ASTN2: variants seen among roughly 807,000 people sequenced by gnomAD.
ASTN2 encodes astrotactin-2.
ASTN2 carries 54 observed loss-of-function variants against 139.8 expected under a neutral mutation model. The observed-to-expected ratio is 0.39, with a 90% CI of 0.31 to 0.48. ASTN2 has a LOEUF of 0.48. ASTN2 is among the 20% of genes least tolerant of loss of function. The probability of loss-of-function intolerance (pLI) is 0.95; values close to 1 mark genes in which losing one functional copy is unlikely to be tolerated. For missense variants in ASTN2, 1,565 were observed against 1,725.1 expected, an observed-to-expected ratio of 0.91 and a Z score of 1.64; for synonymous variants, 756 against 719.5, an observed-to-expected ratio of 1.05 and a Z score of -0.81.
chr9:116,978,791 G>GA (rs3038406), intron 7 of ASTN2, among the ~76,000 whole-genome samples: 4,136 of 149,886 alleles, frequency 0.028, 160 homozygotes, highest in African/African-American at 0.091. Context: ...AGGCTTCAGG[G>GA]AAAAAAAAAA....
intron 6 of ASTN2, among the ~76,000 whole-genome samples, chr9:117,026,257 T>C (rs1423843655): frequency 6.6e-6 from 1 of 152,118 alleles, no homozygotes; most frequent in Non-Finnish European, 1.5e-5. Context: ...TGAACAACCA[T>C]TTAGTTCTCA....
chr9:116,969,960 G>A (rs1836138549), intron 10 of ASTN2, among the ~76,000 whole-genome samples: 4 of 152,180 alleles, frequency 2.6e-5, no homozygotes, highest in Admixed American at 6.5e-5. Context: ...TCAGCAAGGT[G>A]GTCCTCCCTC....
intron 5 of ASTN2, among the ~76,000 whole-genome samples, chr9:117,054,974 G>A (rs528792012): frequency 6.6e-6 from 1 of 152,184 alleles, no homozygotes; most frequent in Admixed American, 6.5e-5. Flanking sequence ...GGTTACAATA[G>A]GGTTGGTGCT....
intron 1 of ASTN2, among the ~76,000 whole-genome samples, chr9:117,363,508 TC>T (rs1829750432): frequency 6.6e-6 from 1 of 152,128 alleles, no homozygotes; most frequent in Non-Finnish European, 1.5e-5. Flanking sequence ...ACCTCCCGCC[TC>T]CCTTTATGGA....
chr9:116,458,875 G>A (rs906896155), intron 20 of ASTN2, among the ~76,000 whole-genome samples: 1 of 151,852 alleles, frequency 6.6e-6, no homozygotes, highest in Non-Finnish European at 1.5e-5. Context: ...TAAAATATCC[G>A]ATGATTTGTT....
chr9:117,060,433 AGAG>A lies in ASTN2; in HGVS notation c.1277-20471_1277-20469del, dbSNP rs1161686741. Among the ~76,000 whole-genome samples, 119 of 38,740 alleles carry A rather than the reference AGAG, an allele frequency of 3.1e-3. 9 individuals are homozygous for A. Among genetic ancestry groups the A allele is most frequent in the African/African-American group, 0.012 (112 of 9,732 alleles). 25.4% of individuals were successfully genotyped at this position (38,740 alleles called of 152,430 possible). ...AAGAAGGAAAGGAAGGAAGGAAGGA[AGAG>A]AGAGAGAGAAAGAAAGAAAGAAAGG... On this transcript the variant is annotated intron_variant, in intron 5 of 22. Coordinates refer to ENST00000313400, the MANE Select transcript of ASTN2 (RefSeq NM_001365068.1).
chr9:117,263,583 G>A (rs1308594654), intron 2 of ASTN2, among the ~76,000 whole-genome samples: 2 of 152,146 alleles, frequency 1.3e-5, no homozygotes, highest in Non-Finnish European at 2.9e-5. Flanking sequence ...AGGCCACACA[G>A]GACAATTTTA....
chr9:116,872,554 G>GT (rs1215478259), intron 10 of ASTN2, among the ~76,000 whole-genome samples: 2 of 152,176 alleles, frequency 1.3e-5, no homozygotes, highest in East Asian at 3.9e-4. Context: ...AGGAATGGAT[G>GT]TAACAGAGCT....
At chr9:116,758,208 ATTG>A (rs968367994) in intron 13 of ASTN2, among the ~76,000 whole-genome samples, 6 of 152,192 alleles carry the variant, frequency 3.9e-5, no homozygotes, top group Admixed American at 6.5e-5. Flanking sequence ...TATTGCTGCT[ATTG>A]TTGTTGTGAA....
rs139301869 is a variant in ASTN2 at position 116,958,980 on chromosome 9, G to C, written c.1889+16228C>G. Among the ~76,000 whole-genome samples, 658 of 152,316 alleles carry C rather than the reference G, an allele frequency of 4.3e-3. 11 individuals are homozygous for C. The South Asian group carries it at 0.065, about 15-fold the overall frequency. On this transcript the variant is annotated intron_variant, in intron 10 of 22. Coordinates refer to ENST00000313400, the MANE Select transcript of ASTN2 (RefSeq NM_001365068.1). ...TGGGGCCTCAATTTGAGGGTGGCAA[G>C]AGTGAAGGCAGGAAGTGCAGTGAGG...
At chr9:116,728,505 TATA>T (rs1828693195) in intron 15 of ASTN2, among the ~76,000 whole-genome samples, 1 of 152,082 alleles carries the variant, frequency 6.6e-6, no homozygotes, top group Non-Finnish European at 1.5e-5. Context: ...TTCATGTGGA[TATA>T]ATGTGGGTGG....
chr9:116,520,759 C>T (rs771598146), intron 19 of ASTN2, among the ~76,000 whole-genome samples: 1 of 152,060 alleles, frequency 6.6e-6, no homozygotes, highest in African/African-American at 2.4e-5. Flanking sequence ...ACTCTAAAGA[C>T]TCATCCAAAA....
intron 1 of ASTN2, among the ~76,000 whole-genome samples, chr9:117,393,046 G>C (rs538034847): frequency 4.6e-5 from 7 of 152,300 alleles, no homozygotes; most frequent in South Asian, 2.1e-4. Context: ...AGACAAAGAG[G>C]CTACCTGTCA....
chr9:116,570,490 G>T (rs1267439134), intron 19 of ASTN2, among the ~76,000 whole-genome samples: 1 of 152,084 alleles, frequency 6.6e-6, no homozygotes, highest in African/African-American at 2.4e-5. Flanking sequence ...CCGCCTCCCA[G>T]GTTCATGCCT....
intron 22 of ASTN2, among the ~76,000 whole-genome samples, chr9:116,432,763 C>G (rs1847537675): frequency 6.6e-6 from 1 of 152,144 alleles, no homozygotes; most frequent in Non-Finnish European, 1.5e-5. Flanking sequence ...AGCCCCGTCT[C>G]TACTAAAAAT....
intron 3 of ASTN2, among the ~76,000 whole-genome samples, chr9:117,193,154 T>C (rs1831392399): frequency 6.6e-6 from 1 of 152,204 alleles, no homozygotes; most frequent in East Asian, 1.9e-4. Flanking sequence ...AGGAAGTAAA[T>C]GCAATCCTGT....
chr9:117,306,635 T>C (rs1362889381), intron 1 of ASTN2, among the ~76,000 whole-genome samples: 3 of 152,214 alleles, frequency 2.0e-5, no homozygotes, highest in Admixed American at 6.5e-5. Flanking sequence ...TAATGGAAAC[T>C]GTGTTATGCT....
chr9:117,159,683 G>A (rs1286422608), intron 3 of ASTN2, among the ~76,000 whole-genome samples: 1 of 152,156 alleles, frequency 6.6e-6, no homozygotes, highest in Non-Finnish European at 1.5e-5. Context: ...ACAACTTCAT[G>A]AGATTTGTTT....
chr9:117,242,128 C>T (rs1833233798), intron 2 of ASTN2, among the ~76,000 whole-genome samples: 1 of 145,358 alleles, frequency 6.9e-6, no homozygotes, highest in Admixed American at 7.3e-5. Flanking sequence ...CTATGGGGTC[C>T]AATTAGTTTC....
Sources: allele counts gnomAD v4.1 joint callset (sites outside exome capture counted in the v4.1 genomes callset), GRCh38; gene constraint gnomAD v4.1.1; transcripts MANE v1.5; gene names NCBI Gene and HGNC (gene_info 2026-07-23, HGNC 2026-07-21).